NR3C1: variants seen among roughly 807,000 people sequenced by gnomAD.
The protein encoded by NR3C1 is nuclear receptor subfamily 3 group C member 1.
Under a neutral mutation model 74.0 loss-of-function variants are expected in NR3C1, and 14 were observed. The ratio of observed to expected loss-of-function variants is 0.19; its 90% CI spans 0.12 to 0.30. The LOEUF is 0.30. Ranked by LOEUF, NR3C1 falls within the 10% of genes least tolerant of loss-of-function variation. The pLI, the probability that NR3C1 is intolerant of heterozygous loss-of-function variation, is 1.00. For synonymous variants in NR3C1, 308 were observed against 332.5 expected, an observed-to-expected ratio of 0.93 and a Z score of 0.80; for missense variants, 695 against 909.8, an observed-to-expected ratio of 0.76 and a Z score of 3.04.
intron 2 of NR3C1, among the ~76,000 whole-genome samples, chr5:143,366,510 C>CA (rs112519980): frequency 0.018 from 1,803 of 102,810 alleles, 14 homozygotes; most frequent in Non-Finnish European, 0.022. Context: ...AATTCTGCCT[C>CA]AAAAAAAAAA....
chr5:143,403,972 C>G, upstream of NR3C1: 1 of 984,500 alleles, frequency 1.0e-6, no homozygotes, highest in South Asian at 4.7e-5. Flanking sequence ...GCGGCGGCAG[C>G]GGCGGGGGCC....
chr5:143,316,039 C>T (rs976019928), intron 2 of NR3C1, among the ~76,000 whole-genome samples: 1 of 152,148 alleles, frequency 6.6e-6, no homozygotes, highest in Non-Finnish European at 1.5e-5. Flanking sequence ...GCATTCATTC[C>T]CTGCTAGATT....
intron 2 of NR3C1, among the ~76,000 whole-genome samples, chr5:143,347,152 C>G (rs1448372879): frequency 6.6e-6 from 1 of 152,154 alleles, no homozygotes; most frequent in African/African-American, 2.4e-5. Flanking sequence ...ATTCAGAATT[C>G]TTTTGCAATT....
At chr5:143,323,454 C>T (rs937440227) in intron 2 of NR3C1, among the ~76,000 whole-genome samples, 1 of 152,098 alleles carries the variant, frequency 6.6e-6, no homozygotes, top group African/African-American at 2.4e-5. Context: ...GACCAGCCCC[C>T]ATGATTCAAT....
At chr5:143,417,191 A>G (rs558301031) in intron 1 of NR3C1, among the ~76,000 whole-genome samples, 98 of 152,328 alleles carry the variant, frequency 6.4e-4, no homozygotes, top group Admixed American at 3.6e-3. Context: ...AAATATTTTA[A>G]TATCTTCTTA....
chr5:143,338,969 T>TA (rs1323791003), intron 2 of NR3C1, among the ~76,000 whole-genome samples: 1 of 152,214 alleles, frequency 6.6e-6, no homozygotes, highest in Admixed American at 6.5e-5. Flanking sequence ...TATGTTTAGA[T>TA]ACATAAATAC....
At chr5:143,359,410 T>C (rs1234125229) in intron 2 of NR3C1, among the ~76,000 whole-genome samples, 1 of 152,206 alleles carries the variant, frequency 6.6e-6, no homozygotes, top group Middle Eastern at 3.2e-3. Context: ...TTTTTGCTTA[T>C]TCTGCCTATT....
chr5:143,326,549 A>G (rs1219213341), intron 2 of NR3C1, among the ~76,000 whole-genome samples: 1 of 152,256 alleles, frequency 6.6e-6, no homozygotes, highest in Non-Finnish European at 1.5e-5. Context: ...ATACAAAAGT[A>G]TAAATAGGAG....
At chr5:143,388,219 G>C (rs1226533844) in intron 2 of NR3C1, among the ~76,000 whole-genome samples, 2 of 152,124 alleles carry the variant, frequency 1.3e-5, no homozygotes, top group Non-Finnish European at 2.9e-5. Flanking sequence ...ACTGTCAATT[G>C]AAAATACATC....
intron 1 of NR3C1, among the ~76,000 whole-genome samples, chr5:143,415,100 T>TAAC (rs1268898392): frequency 6.6e-6 from 1 of 152,112 alleles, no homozygotes; most frequent in Non-Finnish European, 1.5e-5. Context: ...TGCTAGAAAA[T>TAAC]AACACATACT....
Position 143,400,444 on chromosome 5 carries a change from C to A in NR3C1, c.396G>T (p.Ser132=). Residue 132 remains serine, a synonymous_variant, in exon 2 of 9, where the codon TCG becomes TCT. Coordinates refer to ENST00000394464, the MANE Select transcript of NR3C1 (RefSeq NM_000176.3). ...TCTTGGGGTTCTCTGGAACACTGGT[C>A]GACCTATTGAGGTTTGCAATGCTTT... is the stretch of plus-strand genomic sequence containing the variant. ...LEESIANLNR[S]TSVPENPKSS... 1.2e-6 allele frequency: 2 copies of A among 1,614,148 alleles called. No individual in the cohort carries two copies. The highest frequency in any genetic ancestry group is 1.7e-6 in the Non-Finnish European group (2 of 1,180,034).
chr5:143,281,499 G>A lies in NR3C1; in HGVS notation c.*390C>T. On this transcript the variant is annotated 3_prime_UTR_variant, in exon 9 of 9. Transcript: ENST00000394464. Reference sequence around the variant, plus strand: ...TATACAGGGGGGGGATACACCAACAGAAAGTCTAGAAAATTTCATCCAGCC... The same window carrying A: ...TATACAGGGGGGGGATACACCAACAAAAAGTCTAGAAAATTTCATCCAGCC... The A allele has an allele frequency of 4.2e-6, 1 of 238,554 alleles. No homozygotes were observed. The highest frequency in any genetic ancestry group is 5.4e-5 in the South Asian group (1 of 18,420). The allele number at this position is 238,554 out of a possible 1,614,324, so 14.8% of individuals were successfully genotyped here.
intron 2 of NR3C1, among the ~76,000 whole-genome samples, chr5:143,338,805 G>A (rs1011892478): frequency 6.6e-6 from 1 of 152,122 alleles, no homozygotes; most frequent in African/African-American, 2.4e-5. Context: ...CACTACAGTA[G>A]ACTTCATATA....
upstream of NR3C1, chr5:143,404,609 A>C: frequency 4.5e-6 from 3 of 672,226 alleles, no homozygotes; most frequent in Non-Finnish European, 5.4e-6. Context: ...CTCCCGCCCA[A>C]TGTGCTCACA....
chr5:143,310,044 T>C, intron 4 of NR3C1, 53 bp downstream of exon 4: 2 of 1,345,698 alleles, frequency 1.5e-6, no homozygotes, highest in East Asian at 2.3e-5. Context: ...AGTAAAATGA[T>C]AAATTTTTAT....
At chr5:143,309,090 T>C (rs79832443) in intron 4 of NR3C1, among the ~76,000 whole-genome samples, 50 of 151,324 alleles carry the variant, frequency 3.3e-4, no homozygotes, top group South Asian at 8.4e-4. Context: ...TTTTTTTTTT[T>C]CCAAGACGGA....
chr5:143,313,915 G>T, intron 3 of NR3C1, 87 bp downstream of exon 3: 1 of 1,426,300 alleles, frequency 7.0e-7, no homozygotes, highest in South Asian at 1.2e-5. Flanking sequence ...CCTTTCATGG[G>T]CTTTGCATAT....
intron 7 of NR3C1, among the ~76,000 whole-genome samples, chr5:143,283,620 T>C (rs1053782164): frequency 1.3e-5 from 2 of 152,214 alleles, no homozygotes; most frequent in African/African-American, 4.8e-5. Context: ...CTAATAGATA[T>C]GTCTTAGTAG....
chr5:143,347,337 GAC>G (rs138315288), intron 2 of NR3C1, among the ~76,000 whole-genome samples: 1 of 151,508 alleles, frequency 6.6e-6, no homozygotes, highest in East Asian at 1.9e-4. Flanking sequence ...AACACACACA[GAC>G]ACACACACAC....
Sources: allele counts gnomAD v4.1 joint callset (sites outside exome capture counted in the v4.1 genomes callset), GRCh38; gene constraint gnomAD v4.1.1; transcripts MANE v1.5; gene names NCBI Gene and HGNC (gene_info 2026-07-23, HGNC 2026-07-21).